The following FZD3 variants were observed in gnomAD, a reference collection of about 807,000 sequenced individuals.
FZD3 encodes the protein frizzled class receptor 3, also known as frizzled-3.
FZD3 carries 30 observed loss-of-function variants against 60.7 expected under a neutral mutation model. The ratio of observed to expected loss-of-function variants is 0.49; its 90% CI spans 0.37 to 0.67. FZD3 has a LOEUF of 0.67. FZD3 is among the 30% of genes least tolerant of loss of function. The pLI, the probability that FZD3 is intolerant of heterozygous loss-of-function variation, is 0.00. For missense variants in FZD3, 605 were observed against 838.7 expected, an observed-to-expected ratio of 0.72 and a Z score of 3.44; for synonymous variants, 246 against 275.2, an observed-to-expected ratio of 0.89 and a Z score of 1.05.
At chr8:28,558,306 A>G (rs1352039930) in intron 7 of FZD3, among the ~76,000 whole-genome samples, 1 of 152,200 alleles carries the variant, frequency 6.6e-6, no homozygotes, top group African/African-American at 2.4e-5. Context: ...TCCCAGCTGA[A>G]AATACTGATA....
At chr8:28,510,686 A>G (rs769146264) in intron 3 of FZD3, among the ~76,000 whole-genome samples, 2 of 152,224 alleles carry the variant, frequency 1.3e-5, no homozygotes, top group Non-Finnish European at 2.9e-5. Context: ...TCCATGTGCC[A>G]TCATTAGAAT....
At chr8:28,536,698 C>A (rs1201158165) in intron 5 of FZD3, among the ~76,000 whole-genome samples, 1 of 151,970 alleles carries the variant, frequency 6.6e-6, no homozygotes, top group Non-Finnish European at 1.5e-5. Flanking sequence ...GACAGGGAGA[C>A]CCTGTCTCAA....
rs892296210 is a variant in FZD3 at position 28,573,568 on chromosome 8, T to G, written c.*10557T>G. On this transcript the variant is annotated 3_prime_UTR_variant, in exon 8 of 8. Transcript: ENST00000240093. ...TGAAGTCAGGGCCTGCTGATCCTGT[T>G]TTTTAAGTTCAAGCGCAATGCCTGA... 6.6e-6 allele frequency: 1 copy of G among 151,200 alleles called. No homozygotes were observed. Among genetic ancestry groups the G allele is most frequent in the African/African-American group, 2.4e-5 (1 of 41,094 alleles). The allele number at this position is 151,200 out of a possible 1,614,324, so 9.4% of individuals were successfully genotyped here. A position where few individuals can be genotyped will look rare whatever the true frequency, so the allele number is the denominator to read the frequency against.
At chr8:28,550,382 A>C (rs1805381061) in intron 5 of FZD3, among the ~76,000 whole-genome samples, 1 of 138,400 alleles carries the variant, frequency 7.2e-6, no homozygotes, top group African/African-American at 2.7e-5. Context: ...TTTTGATTAG[A>C]CTGGAGTCTG....
chr8:28,507,015 A>G (rs1175138111), intron 3 of FZD3, among the ~76,000 whole-genome samples: 1 of 152,194 alleles, frequency 6.6e-6, no homozygotes, highest in African/African-American at 2.4e-5. Flanking sequence ...TCGTATATCA[A>G]AATTTCATCC....
At chr8:28,520,268 A>G (rs1437775421) in intron 3 of FZD3, among the ~76,000 whole-genome samples, 3 of 151,930 alleles carry the variant, frequency 2.0e-5, no homozygotes, top group East Asian at 1.9e-4. Context: ...AAGGAAGAAA[A>G]CGAAAATTTC....
intron 3 of FZD3, among the ~76,000 whole-genome samples, chr8:28,510,193 A>C (rs1363089393): frequency 6.6e-6 from 1 of 152,066 alleles, no homozygotes; most frequent in Non-Finnish European, 1.5e-5. Context: ...TTTATAGCTA[A>C]ATTTTACTCC....
intron 5 of FZD3, among the ~76,000 whole-genome samples, chr8:28,544,355 G>A (rs552423972): frequency 6.6e-6 from 1 of 151,812 alleles, no homozygotes; most frequent in Non-Finnish European, 1.5e-5. Context: ...ATAAGTCCTA[G>A]GTATTGATTC....
rs1805706205 is a variant in FZD3, at chr8:28,566,379, A to G, written c.*3368A>G. On this transcript the variant is annotated 3_prime_UTR_variant, in exon 8 of 8. Coordinates refer to ENST00000240093, the MANE Select transcript of FZD3 (RefSeq NM_017412.4). ...TGAACAGTGATTCTTAGAAGTGAGTAATTAGACTCCTTTTAGTCTTATGCT... is the reference window on the plus strand; with the variant it reads ...TGAACAGTGATTCTTAGAAGTGAGTGATTAGACTCCTTTTAGTCTTATGCT... 6.6e-6 allele frequency: 1 copy of G among 152,196 alleles called. No individual in the cohort carries two copies. Among genetic ancestry groups the G allele is most frequent in the African/African-American group, 2.4e-5 (1 of 41,468 alleles). 9.4% of individuals were successfully genotyped at this position (152,196 alleles called of 1,614,324 possible).
At chr8:28,560,952 A>G (rs900683442) in intron 7 of FZD3, among the ~76,000 whole-genome samples, 2 of 152,248 alleles carry the variant, frequency 1.3e-5, no homozygotes, top group African/African-American at 4.8e-5. Flanking sequence ...TTTAATAAAT[A>G]AGAATTAAAT....
intron 2 of FZD3, among the ~76,000 whole-genome samples, chr8:28,501,113 A>G (rs1333528146): frequency 6.6e-6 from 1 of 152,188 alleles, no homozygotes; most frequent in African/African-American, 2.4e-5. Flanking sequence ...AAAAAGAAAT[A>G]TGGCAGGCCA....
At position 28,510,434 on chromosome 8, in the gene FZD3, ATC is replaced by A. The variant is rs199626877; in HGVS notation, c.189+7234_189+7235del. Among the ~76,000 whole-genome samples the A allele has an allele frequency of 8.8e-3, 1,337 of 152,340 alleles. 5 individuals are homozygous for A. The highest frequency in any genetic ancestry group is 0.019 in the African/African-American group (785 of 41,576). On this transcript the variant is annotated intron_variant, in intron 3 of 7. Coordinates refer to ENST00000240093, the MANE Select transcript of FZD3 (RefSeq NM_017412.4). ...ATTCCCACTAGTAATGTGTGAGAGT[ATC>A]TGTTTCTTCACAGCTTTACCAAAAT...
In FZD3 at chr8:28,566,179, T is replaced by C. The variant is rs528982774; in HGVS notation, c.*3168T>C. ...TCACATCAAAGAAATTTGAAAGATC[T>C]ATAACCTATGTGAAATGAAGTCTCT... On this transcript the variant is annotated 3_prime_UTR_variant, in exon 8 of 8. Coordinates refer to ENST00000240093, the MANE Select transcript of FZD3 (RefSeq NM_017412.4). 3 of 152,300 alleles carry C rather than the reference T, an allele frequency of 2.0e-5. No individual in the cohort carries two copies. In the South Asian group the frequency reaches 6.2e-4, roughly 32 times the overall value. The allele number at this position is 152,300 out of a possible 1,614,324, so 9.4% of individuals were successfully genotyped here.
chr8:28,570,935 A>G lies in FZD3; in HGVS notation c.*7924A>G, dbSNP rs1485663850. On this transcript the variant is annotated 3_prime_UTR_variant, in exon 8 of 8. Coordinates refer to ENST00000240093, the MANE Select transcript of FZD3 (RefSeq NM_017412.4). ...TTGTCTTATGTCATTTCACTGGATC[A>G]TGTAACTGTCCTGGCTTTCAGAAAT... is the stretch of plus-strand genomic sequence containing the variant. 6.6e-6 allele frequency: 1 copy of G among 150,966 alleles called. No homozygotes were observed. The highest frequency in any genetic ancestry group is 1.5e-5 in the Non-Finnish European group (1 of 67,870). The allele number at this position is 150,966 out of a possible 1,614,324, so 9.4% of individuals were successfully genotyped here. A position where few individuals can be genotyped will look rare whatever the true frequency, so the allele number is the denominator to read the frequency against.
intron 5 of FZD3, among the ~76,000 whole-genome samples, chr8:28,531,209 CGCTG>C (rs1804866065): frequency 9.4e-6 from 1 of 106,472 alleles, no homozygotes. Flanking sequence ...TTTATACTGT[CGCTG>C]AGTGTTTATC....
intron 1 of FZD3, among the ~76,000 whole-genome samples, chr8:28,498,215 T>C (rs1803894701): frequency 6.6e-6 from 1 of 152,194 alleles, no homozygotes; most frequent in South Asian, 2.1e-4. Flanking sequence ...TTGCATAGCA[T>C]TCACTTTTTG....
chr8:28,537,933 A>G (rs983646937), intron 5 of FZD3, among the ~76,000 whole-genome samples: 4 of 152,042 alleles, frequency 2.6e-5, no homozygotes, highest in Non-Finnish European at 4.4e-5. Context: ...CCTGACCAAT[A>G]TGGTGAAACC....
chr8:28,522,767 C>CTT (rs35662589), intron 4 of FZD3, among the ~76,000 whole-genome samples: 2,136 of 96,858 alleles, frequency 0.022, 129 homozygotes, highest in African/African-American at 0.076. Context: ...AGGGAACTTT[C>CTT]TTTTTTTTTT....
At position 28,571,315 on chromosome 8, in the gene FZD3, A is replaced by C. The variant is rs1453780128; in HGVS notation, c.*8304A>C. On this transcript the variant is annotated 3_prime_UTR_variant, in exon 8 of 8. Transcript: ENST00000240093. ...CCTCAGATAATTTTTCCCTGAACTC[A>C]TCTTGTCAGCAGAAACATTTAATGT... 6.6e-6 allele frequency: 1 copy of C among 152,208 alleles called. No homozygotes were observed. Among genetic ancestry groups the C allele is most frequent in the East Asian group, 1.9e-4 (1 of 5,200 alleles). The allele number at this position is 152,208 out of a possible 1,614,324, so 9.4% of individuals were successfully genotyped here. A position where few individuals can be genotyped will look rare whatever the true frequency, so the allele number is the denominator to read the frequency against.
Sources: allele counts gnomAD v4.1 joint callset (sites outside exome capture counted in the v4.1 genomes callset), GRCh38; gene constraint gnomAD v4.1.1; transcripts MANE v1.5; gene names NCBI Gene and HGNC (gene_info 2026-07-23, HGNC 2026-07-21).